Variants in OR9Q1 observed in about 807,000 individuals in gnomAD.
OR9Q1 encodes olfactory receptor 9Q1.
For missense variants in OR9Q1, 374 were observed against 378.8 expected, an observed-to-expected ratio of 0.99 and a Z score of 0.11; for synonymous variants, 153 against 148.6, an observed-to-expected ratio of 1.03 and a Z score of -0.22.
rs181358174 is a variant in OR9Q1, at chr11:58,108,045, G to C, written c.-15+52098G>C. Among the ~76,000 whole-genome samples, 10 of 152,218 alleles carry C rather than the reference G, an allele frequency of 6.6e-5. No homozygotes were observed. The East Asian group carries it at 1.9e-3, about 29-fold the overall frequency. On this transcript the variant is annotated intron_variant, in intron 2 of 2. Transcript: ENST00000335397. ...GTTTAGGAGGAGAAAAAAAGAAATT[G>C]GAGATTCAGAATCTAGAGAACTGTC...
chr11:58,102,558 GT>G (rs144193690), intron 2 of OR9Q1, among the ~76,000 whole-genome samples: 37,292 of 147,444 alleles, frequency 0.25, 5,178 homozygotes, highest in East Asian at 0.58. Context: ...TGGGTGGCAG[GT>G]TTTTTTTTTT....
intron 2 of OR9Q1, among the ~76,000 whole-genome samples, chr11:58,157,870 A>G (rs925512713): frequency 6.6e-6 from 1 of 152,204 alleles, no homozygotes; most frequent in African/African-American, 2.4e-5. Flanking sequence ...TTTTCTGAGC[A>G]CTTCAGCTAA....
intron 2 of OR9Q1, among the ~76,000 whole-genome samples, chr11:58,161,571 C>CTTTTTATTTT: frequency 6.7e-6 from 1 of 149,494 alleles, no homozygotes. Context: ...TTAGACAGAG[C>CTTTTTATTTT]CTTACTCTGT....
At chr11:58,056,111 T>C (rs1048314373) in intron 2 of OR9Q1, among the ~76,000 whole-genome samples, 164 bp downstream of exon 2, 33 of 152,232 alleles carry the variant, frequency 2.2e-4, no homozygotes, top group Non-Finnish European at 4.4e-4. Flanking sequence ...ATGTACTTAA[T>C]GTTTAACAAC....
chr11:58,173,677 C>G (rs147482200), intron 2 of OR9Q1, among the ~76,000 whole-genome samples: 2 of 152,032 alleles, frequency 1.3e-5, no homozygotes, highest in Admixed American at 6.6e-5. Context: ...GAGCAGATTC[C>G]TAACAAGTCA....
At chr11:58,036,307 A>T (rs1440875060) in intron 1 of OR9Q1, among the ~76,000 whole-genome samples, 1 of 152,224 alleles carries the variant, frequency 6.6e-6, no homozygotes, top group Non-Finnish European at 1.5e-5. Context: ...ACTGCTCGGG[A>T]AAGAATAGTT....
Position 58,179,849 on chromosome 11 carries a change from C to T in OR9Q1, c.405C>T (p.Ile135=). The stretch of plus-strand genomic sequence containing the variant: ...GCCAGCCCCTGCTTTATGTCACCAT[C>T]CTGACACAGCAGGCCCGCTTGAGTC... ...AVCQPLLYVT[I]LTQQARLSLV... The change falls in exon 3 of 3, where the codon ATC becomes ATT. Residue 135 remains isoleucine, a synonymous_variant. Coordinates refer to ENST00000335397, the MANE Select transcript of OR9Q1 (RefSeq NM_001005212.4). 5 of 1,614,178 alleles carry T rather than the reference C, an allele frequency of 3.1e-6. No homozygotes were observed. In the South Asian group the frequency reaches 4.4e-5, roughly 14 times the overall value.
intron 2 of OR9Q1, among the ~76,000 whole-genome samples, chr11:58,057,465 T>G (rs920318113): frequency 1.3e-5 from 2 of 152,162 alleles, no homozygotes; most frequent in Non-Finnish European, 2.9e-5. Flanking sequence ...TTTCATCTCT[T>G]TGAGCTTGTT....
intron 1 of OR9Q1, among the ~76,000 whole-genome samples, chr11:58,042,213 T>G (rs1179718829): frequency 6.6e-6 from 1 of 152,244 alleles, no homozygotes; most frequent in Non-Finnish European, 1.5e-5. Context: ...TAGTCATTTA[T>G]TCTTATTTGA....
intron 2 of OR9Q1, among the ~76,000 whole-genome samples, chr11:58,103,285 T>G (rs1224870909): frequency 1.3e-5 from 2 of 152,082 alleles, no homozygotes; most frequent in Non-Finnish European, 2.9e-5. Context: ...CTCACCATCA[T>G]GAGAATAGTA....
At chr11:58,149,171 T>C (rs2119890331) in intron 2 of OR9Q1, among the ~76,000 whole-genome samples, 1 of 152,338 alleles carries the variant, frequency 6.6e-6, no homozygotes, top group Non-Finnish European at 1.5e-5. Flanking sequence ...AATATGCTTC[T>C]TTGGGTATTA....
intron 2 of OR9Q1, chr11:58,119,414 CG>C (rs1565081652): frequency 6.2e-7 from 1 of 1,611,860 alleles, no homozygotes; most frequent in Non-Finnish European, 8.5e-7. Context: ...AGAATGAATT[CG>C]GTTACTCTGG....
At chr11:58,154,711 G>A (rs1854389680) in intron 2 of OR9Q1, among the ~76,000 whole-genome samples, 1 of 152,136 alleles carries the variant, frequency 6.6e-6, no homozygotes. Flanking sequence ...AGTATCACAT[G>A]TACCCCATTA....
intron 2 of OR9Q1, among the ~76,000 whole-genome samples, chr11:58,065,703 G>A (rs1019738569): frequency 2.0e-5 from 3 of 152,198 alleles, no homozygotes; most frequent in African/African-American, 7.2e-5. Context: ...CCAGGCAGAA[G>A]TTGCTGGGCT....
At chr11:58,124,044 G>A (rs1012457207) in intron 2 of OR9Q1, among the ~76,000 whole-genome samples, 3 of 152,124 alleles carry the variant, frequency 2.0e-5, no homozygotes, top group African/African-American at 7.2e-5. Flanking sequence ...TATCTAATAT[G>A]GTAGAGCTTG....
intron 2 of OR9Q1, among the ~76,000 whole-genome samples, chr11:58,139,546 T>A (rs1854223425): frequency 6.6e-6 from 1 of 152,136 alleles, no homozygotes; most frequent in Non-Finnish European, 1.5e-5. Flanking sequence ...TGGTTTTTTG[T>A]CTTTGCGATA....
chr11:58,112,456 G>T (rs1195377677), intron 2 of OR9Q1, among the ~76,000 whole-genome samples: 3 of 152,110 alleles, frequency 2.0e-5, no homozygotes, highest in Non-Finnish European at 4.4e-5. Context: ...GATTTATGTT[G>T]TTATGATTGG....
Position 58,180,437 on chromosome 11 carries a change from C to A in OR9Q1, c.*60C>A. 2.9e-6 allele frequency: 3 copies of A among 1,044,148 alleles called. No homozygotes were observed. The highest frequency in any genetic ancestry group is 1.7e-5 in the South Asian group (1 of 57,574). The allele number at this position is 1,044,148 out of a possible 1,614,324, so 64.7% of individuals were successfully genotyped here. On this transcript the variant is annotated 3_prime_UTR_variant, in exon 3 of 3. Coordinates refer to ENST00000335397, the MANE Select transcript of OR9Q1 (RefSeq NM_001005212.4). ...TACTCTGTAGTGTCAGAATTCTGGACGCTCATTATTTATAGCATGCTCAAT... is the reference window on the plus strand; with the variant it reads ...TACTCTGTAGTGTCAGAATTCTGGAAGCTCATTATTTATAGCATGCTCAAT...
At chr11:58,173,114 A>G (rs1228441574) in intron 2 of OR9Q1, among the ~76,000 whole-genome samples, 1 of 152,090 alleles carries the variant, frequency 6.6e-6, no homozygotes, top group African/African-American at 2.4e-5. Flanking sequence ...CATAATGGTC[A>G]TGGTATTTTC....
Sources: allele counts gnomAD v4.1 joint callset (sites outside exome capture counted in the v4.1 genomes callset), GRCh38; gene constraint gnomAD v4.1.1; transcripts MANE v1.5; gene names NCBI Gene and HGNC (gene_info 2026-07-23, HGNC 2026-07-21).